Variants in AP3S1 observed in about 807,000 individuals in gnomAD.
The protein encoded by AP3S1 is AP-3 complex subunit sigma-1.
AP3S1 carries 12 observed loss-of-function variants against 21.3 expected under a neutral mutation model. The ratio of observed to expected loss-of-function variants is 0.56; its 90% confidence interval spans 0.36 to 0.91. AP3S1 has a LOEUF of 0.91. Ranked by LOEUF, AP3S1 falls within the 40% of genes least tolerant of loss-of-function variation. The pLI is 0.01. For synonymous variants in AP3S1, 48 were observed against 78.4 expected (o/e 0.61, Z 2.05); for missense variants, 116 against 225.0 (o/e 0.52, Z 3.10).
rs964302476 is a variant in AP3S1, at chr5:115,906,727, G to A, written c.453+3735G>A. Reference sequence around the variant, plus strand: ...ATGTTATTCTTAAGATGGATAAATGGGTCTGAATTTAGTCACTACTTTTTG... The same window carrying A: ...ATGTTATTCTTAAGATGGATAAATGAGTCTGAATTTAGTCACTACTTTTTG... On this transcript the variant is annotated intron_variant, in intron 5 of 5. Coordinates refer to ENST00000316788, the MANE Select transcript of AP3S1 (RefSeq NM_001284.4). The A allele has an allele frequency of 4.2e-5, 38 of 898,722 alleles. No individual in the cohort carries two copies. In the African/African-American group the frequency reaches 6.1e-4, roughly 15 times the overall value. The allele number at this position is 898,722 out of a possible 1,614,324, so 55.7% of individuals were successfully genotyped here.
chr5:115,855,329 G>A (rs370152163), intron 1 of AP3S1, among the ~76,000 whole-genome samples: 9 of 152,056 alleles, frequency 5.9e-5, no homozygotes, highest in South Asian at 2.1e-4. Context: ...GTGAGCCACC[G>A]TGCCTAGTCC....
chr5:115,869,023 A>G (rs1212110204), intron 2 of AP3S1, among the ~76,000 whole-genome samples: 1 of 147,942 alleles, frequency 6.8e-6, no homozygotes, highest in Non-Finnish European at 1.5e-5. Context: ...GATGGATGTT[A>G]GTTTAATTTT....
intron 5 of AP3S1, among the ~76,000 whole-genome samples, chr5:115,905,408 C>G (rs561217398): frequency 1.3e-5 from 2 of 152,254 alleles, no homozygotes; most frequent in East Asian, 3.9e-4. Flanking sequence ...CTGATCATCT[C>G]GCATCATACA....
intron 4 of AP3S1, among the ~76,000 whole-genome samples, chr5:115,898,362 T>G (rs1334417041): frequency 6.6e-6 from 1 of 152,240 alleles, no homozygotes; most frequent in East Asian, 1.9e-4. Flanking sequence ...TTTCTTTTTA[T>G]AAATCTTTAC....
chr5:115,863,510 G>A (rs1354762308), intron 1 of AP3S1, among the ~76,000 whole-genome samples: 1 of 152,058 alleles, frequency 6.6e-6, no homozygotes, highest in Non-Finnish European at 1.5e-5. Flanking sequence ...GAGGTGGGTT[G>A]CAGTGAGTCA....
intron 3 of AP3S1, among the ~76,000 whole-genome samples, chr5:115,877,248 A>G (rs1366125804): frequency 6.6e-6 from 1 of 152,140 alleles, no homozygotes; most frequent in Non-Finnish European, 1.5e-5. Context: ...TAGGTTTGTT[A>G]CATAGGTATA....
At chr5:115,879,820 A>C (rs1207231217) in intron 3 of AP3S1, among the ~76,000 whole-genome samples, 1 of 152,136 alleles carries the variant, frequency 6.6e-6, no homozygotes, top group Admixed American at 6.5e-5. Context: ...TTCGGCTGTC[A>C]ACCTGTCTGG....
chr5:115,906,785 G>A, intron 5 of AP3S1: 1 of 1,438,016 alleles, frequency 7.0e-7, no homozygotes, highest in Non-Finnish European at 9.2e-7. Flanking sequence ...CGAACATCCT[G>A]ATCTTTCTAG....
chr5:115,873,816 A>G (rs1748479583), intron 3 of AP3S1, among the ~76,000 whole-genome samples: 1 of 152,190 alleles, frequency 6.6e-6, no homozygotes, highest in Non-Finnish European at 1.5e-5. Flanking sequence ...AAGAGAGTTT[A>G]CATCAAAACC....
At chr5:115,871,695 A>G (rs1439785971) in intron 3 of AP3S1, among the ~76,000 whole-genome samples, 1 of 152,084 alleles carries the variant, frequency 6.6e-6, no homozygotes, top group Admixed American at 6.6e-5. Flanking sequence ...GAAAAAAAAA[A>G]GTAACCATAT....
At chr5:115,881,025 CT>C (rs535455509) in intron 3 of AP3S1, among the ~76,000 whole-genome samples, 46 of 146,028 alleles carry the variant, frequency 3.2e-4, no homozygotes, top group East Asian at 8.0e-4. Context: ...GCAACCCCTG[CT>C]TTTTTTTTTG....
At chr5:115,875,433 G>T (rs1748627039) in intron 3 of AP3S1, among the ~76,000 whole-genome samples, 3 of 152,176 alleles carry the variant, frequency 2.0e-5, no homozygotes, top group Admixed American at 1.3e-4. Flanking sequence ...CATGATGGTA[G>T]GCCTGAAAGC....
intron 5 of AP3S1, chr5:115,908,957 G>A: frequency 1.0e-6 from 1 of 979,712 alleles, no homozygotes; most frequent in African/African-American, 1.8e-5. Context: ...ATTAATGTTG[G>A]TGTTCTTTCA....
intron 2 of AP3S1, among the ~76,000 whole-genome samples, chr5:115,868,982 GGAGA>G (rs1554066613): frequency 1.0e-5 from 1 of 99,418 alleles, no homozygotes; most frequent in African/African-American, 3.7e-5. Context: ...AGGGAGGGAG[GGAGA>G]GATGCCATTT....
intron 5 of AP3S1, chr5:115,911,971 G>A (rs1236037882): frequency 2.6e-5 from 4 of 151,848 alleles, no homozygotes; most frequent in Admixed American, 2.6e-4. Flanking sequence ...ATCATTGCCT[G>A]TGTAGAATAT....
rs544793931 is a variant in AP3S1 at position 115,895,346 on chromosome 5, A to T, written c.345+188A>T. ...TTCAGATCCTGCCTTAGAGGAGTTC[A>T]CATCGAAGGGTGGAAACAACGGCAT... On this transcript the variant is annotated intron_variant, in intron 4 of 5. Transcript: ENST00000316788. Among the ~76,000 whole-genome samples, 7 of 152,272 alleles carry T rather than the reference A, an allele frequency of 4.6e-5. No homozygotes were observed. In the East Asian group the frequency reaches 1.2e-3, roughly 25 times the overall value.
chr5:115,882,573 G>T (rs898862595), intron 3 of AP3S1, among the ~76,000 whole-genome samples: 7 of 152,178 alleles, frequency 4.6e-5, no homozygotes, highest in African/African-American at 7.2e-5. Context: ...CCTCTGGAAG[G>T]TTCGTCCCAG....
chr5:115,895,376 AAATAAT>A (rs1226430309), intron 4 of AP3S1, among the ~76,000 whole-genome samples: 5 of 152,150 alleles, frequency 3.3e-5, no homozygotes, highest in Non-Finnish European at 7.3e-5. Flanking sequence ...CGGCATTAAC[AAATAAT>A]AATAATAGTA....
intron 5 of AP3S1, among the ~76,000 whole-genome samples, chr5:115,906,180 A>G (rs867161191): frequency 6.6e-6 from 1 of 152,172 alleles, no homozygotes; most frequent in Non-Finnish European, 1.5e-5. Context: ...ACAAAAAAAG[A>G]CTTGTTTAAA....
Sources: allele counts gnomAD v4.1 joint callset (sites outside exome capture counted in the v4.1 genomes callset), GRCh38; gene constraint gnomAD v4.1.1; transcripts MANE v1.5; gene names NCBI Gene and HGNC (gene_info 2026-07-23, HGNC 2026-07-21).